Variants in NUP160 observed in about 807,000 individuals in gnomAD.
NUP160 encodes nuclear pore complex protein Nup160.
Under a neutral mutation model 196.9 loss-of-function variants are expected in NUP160, and 94 were observed. That is an observed-to-expected ratio of 0.48 (90% CI 0.40 to 0.57). The LOEUF is 0.57. Among genes scored for constraint, NUP160 ranks in the 20% least tolerant of loss-of-function variants. The probability of loss-of-function intolerance (pLI) is 0.00; values close to 1 mark genes in which losing one functional copy is unlikely to be tolerated. For missense variants in NUP160, 1,638 were observed against 1,748.3 expected, an observed-to-expected ratio of 0.94 and a Z score of 1.13; for synonymous variants, 605 against 619.7, an observed-to-expected ratio of 0.98 and a Z score of 0.35.
intron 28 of NUP160, 62 bp from the exon 29 acceptor site, chr11:47,792,052 C>T (rs1458850764): frequency 1.9e-5 from 22 of 1,137,996 alleles, no homozygotes; most frequent in East Asian, 4.8e-5. Context: ...ATATCATTAA[C>T]GGTGATTCAT....
chr11:47,792,244 T>C (rs2097668303), intron 28 of NUP160: 1 of 396,750 alleles, frequency 2.5e-6, no homozygotes, highest in South Asian at 4.3e-5. Context: ...TCAACTAATT[T>C]TTCTCGGCTC....
rs543607307 is a variant in NUP160 at position 47,804,231 on chromosome 11, T to C, written c.2676+318A>G. 4 of 221,254 alleles carry C rather than the reference T, an allele frequency of 1.8e-5. No individual in the cohort carries two copies. The East Asian group carries it at 4.0e-4, about 22-fold the overall frequency. The allele number at this position is 221,254 out of a possible 1,614,324, so 13.7% of individuals were successfully genotyped here. A position where few individuals can be genotyped will look rare whatever the true frequency, so the allele number is the denominator to read the frequency against. ...GAAAAAATCACGTTAGGAATTATAC[T>C]GTCCAGAGAGAAGTAGAGAAAAATC... On this transcript the variant is annotated intron_variant, in intron 21 of 35. Transcript: ENST00000378460.
chr11:47,840,589 C>T lies in NUP160; in HGVS notation c.315-1G>A. Reference sequence around the variant, plus strand: ...CTCCAATGTATCTCCAGAGGTCTTCCTGTTGAAAAAGAGACATTTGTTTGA... The same window carrying T: ...CTCCAATGTATCTCCAGAGGTCTTCTTGTTGAAAAAGAGACATTTGTTTGA... On this transcript the variant is annotated splice_acceptor_variant, in intron 2 of 35. Coordinates refer to ENST00000378460, the Ensembl canonical transcript of NUP160. LOFTEE classifies it high-confidence loss of function. The T allele has an allele frequency of 1.3e-6, 2 of 1,577,898 alleles. No individual in the cohort carries two copies. The highest frequency in any genetic ancestry group is 1.4e-5 in the African/African-American group (1 of 73,566).
At chr11:47,806,757 C>G (rs929785505) in intron 19 of NUP160, among the ~76,000 whole-genome samples, 1 of 147,784 alleles carries the variant, frequency 6.8e-6, no homozygotes, top group Non-Finnish European at 1.5e-5. Context: ...TTGTTAATCA[C>G]TGGAGCATCA....
chr11:47,779,276 C>T, intron 35 of NUP160, 82 bp from the exon 36 acceptor site: 2 of 823,224 alleles, frequency 2.4e-6, no homozygotes, highest in Non-Finnish European at 3.9e-6. Flanking sequence ...TTGACTTCAC[C>T]AAGTAGATTC....
At chr11:47,841,210 T>TC (rs1294613972) in intron 2 of NUP160, 2 of 197,468 alleles carry the variant, frequency 1.0e-5, no homozygotes, top group African/African-American at 2.4e-5. Flanking sequence ...TTTTCTTTTT[T>TC]CCCCCACCCT....
intron 11 of NUP160, 35 bp from the exon 12 acceptor site, chr11:47,816,064 T>C (rs775977442): frequency 3.6e-6 from 5 of 1,391,656 alleles, no homozygotes; most frequent in Non-Finnish European, 5.1e-6. Context: ...TTCTATATAA[T>C]AGCCAAAACT....
At chr11:47,833,349 G>T (rs1406345570) in intron 7 of NUP160, among the ~76,000 whole-genome samples, 1 of 152,014 alleles carries the variant, frequency 6.6e-6, no homozygotes, top group Non-Finnish European at 1.5e-5. Flanking sequence ...CAGCCACTGT[G>T]GAGGCTGATG....
intron 7 of NUP160, among the ~76,000 whole-genome samples, chr11:47,832,648 G>A (rs765658708): frequency 1.3e-5 from 2 of 152,188 alleles, no homozygotes; most frequent in Non-Finnish European, 2.9e-5. Context: ...CGCCCTGCCT[G>A]GCAAACTATC....
intron 19 of NUP160, chr11:47,806,550 G>C: frequency 2.5e-6 from 1 of 405,282 alleles, no homozygotes; most frequent in Non-Finnish European, 4.4e-6. Flanking sequence ...TCTTTTCACT[G>C]ATCTCACAAG....
At chr11:47,837,990 G>C (rs1263449364) in intron 4 of NUP160, among the ~76,000 whole-genome samples, 2 of 152,152 alleles carry the variant, frequency 1.3e-5, no homozygotes, top group Non-Finnish European at 2.9e-5. Context: ...TAAAACTCCT[G>C]TCCTCCTGGA....
Position 47,798,350 on chromosome 11 carries a change from AT to A in NUP160, c.2991+17del, listed in dbSNP as rs1281437328. 1.3e-5 allele frequency: 20 copies of A among 1,579,142 alleles called. No individual in the cohort carries two copies. Among genetic ancestry groups the A allele is most frequent in the Non-Finnish European group, 1.4e-5 (16 of 1,148,682 alleles). ...AACAAACCTTAAAGAAAACAACCAA[AT>A]TGCAGCCAATTCTTACCTGACTTTT... On this transcript the variant is annotated intron_variant, in intron 24 of 35. Coordinates refer to ENST00000378460, the Ensembl canonical transcript of NUP160.
chr11:47,816,248 G>C (rs2097684384), intron 11 of NUP160, among the ~76,000 whole-genome samples: 1 of 152,178 alleles, frequency 6.6e-6, no homozygotes, highest in Non-Finnish European at 1.5e-5. Flanking sequence ...TTGATTTATA[G>C]AAGAGAGGCT....
At chr11:47,848,170 G>T (rs377183820) in intron 1 of NUP160, 49 bp downstream of exon 1, 16 of 1,600,032 alleles carry the variant, frequency 1.0e-5, no homozygotes, top group Non-Finnish European at 1.4e-5. Context: ...CCCATGAGAG[G>T]AGCCCGAGGG....
At chr11:47,812,945 T>C (rs1339398210) in exon 15 of NUP160, 3 of 1,613,698 alleles carry the variant, frequency 1.9e-6, no homozygotes, top group Non-Finnish European at 2.5e-6. Flanking sequence ...CTGTAGGTTA[T>C]AACAACTCAT....
At chr11:47,789,784 C>T (rs1489110559) in intron 29 of NUP160, among the ~76,000 whole-genome samples, 1 of 151,890 alleles carries the variant, frequency 6.6e-6, no homozygotes, top group African/African-American at 2.4e-5. Flanking sequence ...GACCCTTGAA[C>T]AATGCAGGGT....
exon 35 of NUP160, chr11:47,780,391 C>A: frequency 1.2e-6 from 2 of 1,613,818 alleles, no homozygotes; most frequent in Non-Finnish European, 8.5e-7. Flanking sequence ...CTTGGAGAAG[C>A]TGATCAATAG....
chr11:47,848,369 T>A lies in NUP160; in HGVS notation c.52A>T (p.Thr18Ser). The A allele has an allele frequency of 6.2e-7, 1 of 1,609,730 alleles. No homozygotes were observed. The highest frequency in any genetic ancestry group is 8.5e-7 in the Non-Finnish European group (1 of 1,178,390). ...ACGGAACAAAGGCAGGGCCGCGCGG[T>A]CGCCGTCACTTCCGGGGGTGGGGCG... Residue 18 changes from threonine (T) to serine (S), a missense_variant, in exon 1 of 36, where the codon ACC (threonine) becomes TCC (serine). By Grantham distance (58) the Thr-to-Ser change is moderately conservative. This residue lies in a region of NUP160 where 287 missense variants were observed against 259.5 expected (regional missense o/e 1.11). Transcript: ENST00000378460.
At chr11:47,797,920 T>C (rs774070472) in intron 26 of NUP160, 36 bp from the exon 27 acceptor site, 3 of 1,571,042 alleles carry the variant, frequency 1.9e-6, no homozygotes, top group East Asian at 4.5e-5. Context: ...ACTAAGTCAG[T>C]AGCAATCATG....
Sources: allele counts gnomAD v4.1 joint callset (sites outside exome capture counted in the v4.1 genomes callset), GRCh38; gene constraint gnomAD v4.1.1; regional missense constraint gnomAD v4.1.1; transcripts MANE v1.5; gene names NCBI Gene and HGNC (gene_info 2026-07-23, HGNC 2026-07-21).